Variants in ARRDC4 observed in about 807,000 individuals in gnomAD.
ARRDC4 encodes arrestin domain containing 4, also known as arrestin domain-containing protein 4.
A neutral mutation model predicts 44.6 loss-of-function variants in ARRDC4; 40 were observed. The observed-to-expected ratio is 0.90, with a 90% CI of 0.70 to 1.17. The LOEUF is 1.17. Ranked by LOEUF, ARRDC4 falls within the 50% of genes most tolerant of loss-of-function variation. The pLI is 0.00. For synonymous variants in ARRDC4, 211 were observed against 221.2 expected, an observed-to-expected ratio of 0.95 and a Z score of 0.41; for missense variants, 550 against 559.1, an observed-to-expected ratio of 0.98 and a Z score of 0.16.
intron 4 of ARRDC4, 37 bp from the exon 5 acceptor site, chr15:97,969,086 A>T: frequency 6.3e-7 from 1 of 1,599,782 alleles, no homozygotes; most frequent in African/African-American, 1.3e-5. Flanking sequence ...CTTTTTCAAG[A>T]GTCTCTGAAT....
In ARRDC4 at chr15:97,965,473, A is replaced by G; in HGVS notation, c.308-127A>G. On this transcript the variant is annotated intron_variant, in intron 1 of 7. Transcript: ENST00000268042. The surrounding 1 kb of genome is among the most constrained non-coding windows in gnomAD (Gnocchi z 5.1). ...CAAACTTAATTCTCTACATTTGTTT[A>G]ATGAACTTTTGGAGTATGCTGCATT... The G allele has an allele frequency of 1.3e-6, 1 of 749,624 alleles. No homozygotes were observed. The highest frequency in any genetic ancestry group is 1.6e-5 in the South Asian group (1 of 61,438). The allele number at this position is 749,624 out of a possible 1,614,324, so 46.4% of individuals were successfully genotyped here.
rs1388924736 is a variant in ARRDC4 at position 97,965,706 on chromosome 15, C to A, written c.374+40C>A. On this transcript the variant is annotated intron_variant, in intron 2 of 7. Coordinates refer to ENST00000268042, the MANE Select transcript of ARRDC4 (RefSeq NM_183376.3). The surrounding 1 kb of genome is among the most constrained non-coding windows in gnomAD (Gnocchi z 5.1). The stretch of plus-strand genomic sequence containing the variant: ...ACAATTTTGTGGTTATCCTTCTCTG[C>A]AGTATGTCCATTCAAGTTTATCACT... 1.9e-6 allele frequency: 3 copies of A among 1,569,932 alleles called. No homozygotes were observed. Among genetic ancestry groups the A allele is most frequent in the Non-Finnish European group, 2.6e-6 (3 of 1,139,912 alleles).
chr15:97,969,344 G>T lies in ARRDC4; in HGVS notation c.847G>T (p.Asp283Tyr), dbSNP rs758786387. 4 of 1,613,700 alleles carry T rather than the reference G, an allele frequency of 2.5e-6. No individual in the cohort carries two copies. Residue 283 changes from aspartate (D) to tyrosine (Y), a missense_variant, in exon 5 of 8, where the codon GAT becomes TAT. Coordinates refer to ENST00000268042, the MANE Select transcript of ARRDC4 (RefSeq NM_183376.3). The stretch of plus-strand genomic sequence containing the variant: ...CCCACCTGTTACTCCATCCATCCTG[G>T]ATTGCTGCATTATCAGAGTGGACTA... ...KIPPVTPSILDCCIIRVDYSL... is the reference protein window; with the variant it reads ...KIPPVTPSILYCCIIRVDYSL...
In ARRDC4 at chr15:97,969,343, G is replaced by T; in HGVS notation, c.846G>T (p.Leu282=). The T allele has an allele frequency of 6.2e-7, 1 of 1,613,792 alleles. No individual in the cohort carries two copies. Residue 282 remains leucine, a synonymous_variant, in exon 5 of 8, where the codon CTG becomes CTT. Transcript: ENST00000268042. ...TCCCACCTGTTACTCCATCCATCCT[G>T]GATTGCTGCATTATCAGAGTGGACT... ...LKIPPVTPSI[L]DCCIIRVDYS...
At chr15:97,963,304 C>A (rs1045091061) in intron 1 of ARRDC4, among the ~76,000 whole-genome samples, 4 of 152,102 alleles carry the variant, frequency 2.6e-5, no homozygotes, top group African/African-American at 7.2e-5. Context: ...GCTTGTGAAC[C>A]TTTTACATTA....
chr15:97,969,809 T>A (rs879034248), intron 5 of ARRDC4, 74 bp from the exon 6 acceptor site: 1 of 1,351,164 alleles, frequency 7.4e-7, no homozygotes, highest in Admixed American at 2.4e-5. Context: ...AAAAAAGAAA[T>A]TAATTGGGCT....
At position 97,970,033 on chromosome 15, in the gene ARRDC4, G is replaced by A; in HGVS notation, c.1033G>A (p.Glu345Lys). Residue 345 changes from glutamate to lysine, a missense_variant, in exon 6 of 8, where the codon GAG (glutamate) becomes AAG (lysine). Transcript: ENST00000268042. The surrounding 1 kb of genome is among the most constrained non-coding windows in gnomAD (Gnocchi z 4.2). ...DMSWLTLTLP[E>K]QPEAPPNYAD... ...GAGCTGGTTGACACTGACCCTGCCA[G>A]AGCAGCCTGAAGGTAAAATATGTTG... 1 of 1,607,086 alleles carries A rather than the reference G, an allele frequency of 6.2e-7. No individual in the cohort carries two copies. Among genetic ancestry groups the A allele is most frequent in the Non-Finnish European group, 8.5e-7 (1 of 1,175,698 alleles).
At chr15:97,969,815 G>A (rs543352094) in intron 5 of ARRDC4, 68 bp from the exon 6 acceptor site, 1 of 1,372,090 alleles carries the variant, frequency 7.3e-7, no homozygotes, top group Non-Finnish European at 9.9e-7. Flanking sequence ...GAAATTAATT[G>A]GGCTACCTAC....
At chr15:97,962,098 A>G (rs575821027) in intron 1 of ARRDC4, among the ~76,000 whole-genome samples, 92 of 152,222 alleles carry the variant, frequency 6.0e-4, no homozygotes, top group Admixed American at 1.8e-3. Flanking sequence ...GCTTTTATCT[A>G]TCAAATAAAA....
At position 97,966,834 on chromosome 15, in the gene ARRDC4, C is replaced by T. The variant is rs1313905944; in HGVS notation, c.522+792C>T. On this transcript the variant is annotated intron_variant, in intron 3 of 7. Coordinates refer to ENST00000268042, the MANE Select transcript of ARRDC4 (RefSeq NM_183376.3). The surrounding 1 kb of genome is among the most constrained non-coding windows in gnomAD (Gnocchi z 4.7). The stretch of plus-strand genomic sequence containing the variant: ...GATTTTTTTTACTTCATAGAAAATA[C>T]TGAGATAATTTAAACTTTCCATCAC... Among the ~76,000 whole-genome samples the T allele has an allele frequency of 6.6e-6, 1 of 152,084 alleles. No homozygotes were observed. The highest frequency in any genetic ancestry group is 6.6e-5 in the Admixed American group (1 of 15,266).
chr15:97,961,301 T>C (rs74564687), intron 1 of ARRDC4, 133 bp downstream of exon 1: 223,910 of 816,268 alleles, frequency 0.27, 33,753 homozygotes, highest in Non-Finnish European at 0.3. Flanking sequence ...GGGTCCGGCC[T>C]ACCCTCGCGG....
Position 97,967,596 on chromosome 15 carries a change from TA to T in ARRDC4, c.523-415del, listed in dbSNP as rs1306053396. ...TATTCCACTTTATTAAATGCCAAAA[TA>T]AATATAATGTTCTGATTATTTTTTA... On this transcript the variant is annotated intron_variant, in intron 3 of 7. Transcript: ENST00000268042. The surrounding 1 kb of genome is among the most constrained non-coding windows in gnomAD (Gnocchi z 5.0). Among the ~76,000 whole-genome samples the T allele has an allele frequency of 6.6e-6, 1 of 152,174 alleles. No individual in the cohort carries two copies. The highest frequency in any genetic ancestry group is 1.5e-5 in the Non-Finnish European group (1 of 68,022).
chr15:97,967,713 A>AT lies in ARRDC4; in HGVS notation c.523-292dup, dbSNP rs200629595. 2.0e-4 allele frequency among the ~76,000 whole-genome samples: 31 copies of AT among 151,418 alleles called. No homozygotes were observed. The highest frequency in any genetic ancestry group is 3.4e-3 in the Middle Eastern group (1 of 290). Reference sequence around the variant, plus strand: ...TTTATAAGTCCTAATACAGCTTTTGATTTTTTTTTAAAAAAATGGTATATT... The same window carrying AT: ...TTTATAAGTCCTAATACAGCTTTTGATTTTTTTTTTAAAAAAATGGTATATT... On this transcript the variant is annotated intron_variant, in intron 3 of 7. Coordinates refer to ENST00000268042, the MANE Select transcript of ARRDC4 (RefSeq NM_183376.3). The surrounding 1 kb of genome is among the most constrained non-coding windows in gnomAD (Gnocchi z 5.0).
At chr15:97,964,999 C>T (rs528566928) in intron 1 of ARRDC4, among the ~76,000 whole-genome samples, 108 of 121,476 alleles carry the variant, frequency 8.9e-4, no homozygotes, top group African/African-American at 3.9e-3. Context: ...TTTTTACATA[C>T]ACACACACAC....
chr15:97,969,026 G>A, intron 4 of ARRDC4, 97 bp from the exon 5 acceptor site: 2 of 1,255,356 alleles, frequency 1.6e-6, no homozygotes, highest in South Asian at 3.0e-5. Context: ...ATTTGTTAAA[G>A]TGATGTTGGA....
At chr15:97,971,071 G>A (rs553201902) in intron 7 of ARRDC4, 60 bp from the exon 8 acceptor site, 7 of 1,532,164 alleles carry the variant, frequency 4.6e-6, no homozygotes, top group African/African-American at 1.4e-5. Context: ...TTACAAATAG[G>A]TACTAGAATC....
rs1359903096 is a variant in ARRDC4, at chr15:97,966,472, T to C, written c.522+430T>C. Among the ~76,000 whole-genome samples the C allele has an allele frequency of 6.6e-6, 1 of 152,238 alleles. No individual in the cohort carries two copies. Among genetic ancestry groups the C allele is most frequent in the Non-Finnish European group, 1.5e-5 (1 of 68,048 alleles). ...AGTATTAATCATGCTCAGCCTGTTA[T>C]TGAAGCTCAGGCCATTATGCTATGT... On this transcript the variant is annotated intron_variant, in intron 3 of 7. Coordinates refer to ENST00000268042, the MANE Select transcript of ARRDC4 (RefSeq NM_183376.3). This position sits in a 1 kb window ranked among gnomAD's most constrained non-coding sequence, Gnocchi z 4.7.
At position 97,965,568 on chromosome 15, in the gene ARRDC4, C is replaced by T. The variant is rs756499376; in HGVS notation, c.308-32C>T. 3 of 1,531,414 alleles carry T rather than the reference C, an allele frequency of 2.0e-6. No homozygotes were observed. Among genetic ancestry groups the T allele is most frequent in the Non-Finnish European group, 2.7e-6 (3 of 1,105,814 alleles). The allele number at this position is 1,531,414 out of a possible 1,614,324, so 94.9% of individuals were successfully genotyped here. A position where few individuals can be genotyped will look rare whatever the true frequency, so the allele number is the denominator to read the frequency against. ...AAACTCTTGATCTAATACTAACTAT[C>T]CTTCATTAAAATAAAATACAATCTC... On this transcript the variant is annotated intron_variant, in intron 1 of 7. Coordinates refer to ENST00000268042, the MANE Select transcript of ARRDC4 (RefSeq NM_183376.3). This position sits in a 1 kb window ranked among gnomAD's most constrained non-coding sequence, Gnocchi z 5.1.
chr15:97,965,109 G>A lies in ARRDC4; in HGVS notation c.308-491G>A, dbSNP rs1899393922. 6.6e-6 allele frequency among the ~76,000 whole-genome samples: 1 copy of A among 152,032 alleles called. No individual in the cohort carries two copies. The highest frequency in any genetic ancestry group is 2.4e-5 in the African/African-American group (1 of 41,378). On this transcript the variant is annotated intron_variant, in intron 1 of 7. Transcript: ENST00000268042. This position sits in a 1 kb window ranked among gnomAD's most constrained non-coding sequence, Gnocchi z 5.1. Reference sequence around the variant, plus strand: ...GTCTATTTGAGAATGGAATATATGTGTGTATGTATGTGTGAGTGTTATGGT... The same window carrying A: ...GTCTATTTGAGAATGGAATATATGTATGTATGTATGTGTGAGTGTTATGGT...
Sources: gnomAD v4.1 joint callset for allele counts (sites outside exome capture counted in the v4.1 genomes callset) on GRCh38, gnomAD v4.1.1 for gene constraint, Gnocchi (gnomAD v3.1) non-coding constraint, MANE v1.5 for transcripts, NCBI Gene and HGNC (gene_info 2026-07-23, HGNC 2026-07-21) for gene names.